SHISA9: variants seen among roughly 807,000 people sequenced by gnomAD.
SHISA9 encodes the protein shisa family member 9, also known as protein shisa-9.
In SHISA9, 13 loss-of-function variants were observed where a neutral mutation model predicts 38.0. That is an observed-to-expected ratio of 0.34 (90% confidence interval 0.22 to 0.54). The LOEUF (loss-of-function observed/expected upper bound fraction) is 0.54. SHISA9 is among the 20% of genes least tolerant of loss of function. SHISA9 has a pLI of 0.91. For missense variants in SHISA9, 538 were observed against 575.8 expected (o/e 0.93, Z 0.67); for synonymous variants, 275 against 242.0 (o/e 1.14, Z -1.27).
chr16:13,397,379 C>A, the SHISA9 span, among the ~76,000 whole-genome samples: 1 of 152,136 alleles, frequency 6.6e-6, no homozygotes, highest in African/African-American at 2.4e-5. Flanking sequence ...GTTTACAGCT[C>A]CTGAAGCCCA....
At chr16:12,903,430 A>C (rs1275794676) in intron 1 of SHISA9, among the ~76,000 whole-genome samples, 1 of 152,146 alleles carries the variant, frequency 6.6e-6, no homozygotes, top group Non-Finnish European at 1.5e-5. Flanking sequence ...TGCCTTGTTC[A>C]TTATGCAAGC....
At chr16:13,142,270 T>C (rs540398013) in intron 2 of SHISA9, among the ~76,000 whole-genome samples, 3 of 152,186 alleles carry the variant, frequency 2.0e-5, no homozygotes, top group Non-Finnish European at 4.4e-5. Context: ...GTAGGCACGA[T>C]TACTTATTAG....
rs542392415 is a variant in SHISA9, at chr16:13,129,825, T to A, written c.692-73569T>A. Among the ~76,000 whole-genome samples, 3 of 152,272 alleles carry A rather than the reference T, an allele frequency of 2.0e-5. No individual in the cohort carries two copies. In the South Asian group the frequency reaches 6.2e-4, roughly 32 times the overall value. ...CTCCTATTTACCATCTCTTACCCCA[T>A]GTCCAACCAGAGACTCAGATCTATT... On this transcript the variant is annotated intron_variant, in intron 2 of 4. Coordinates refer to ENST00000558583, the MANE Select transcript of SHISA9 (RefSeq NM_001145204.3).
chr16:13,420,292 C>CGTTTACT, the SHISA9 span, among the ~76,000 whole-genome samples: 3 of 134,038 alleles, frequency 2.2e-5, no homozygotes. Context: ...GCTCAGCAGG[C>CGTTTACT]GTTTACTGTA....
chr16:13,486,528 C>A, the SHISA9 span, among the ~76,000 whole-genome samples: 233 of 152,276 alleles, frequency 1.5e-3, no homozygotes, highest in African/African-American at 5.4e-3. Context: ...AGACTTCTCG[C>A]CAACACATTT....
At chr16:13,025,685 G>GACGT (rs1468138390) in intron 2 of SHISA9, among the ~76,000 whole-genome samples, 1 of 152,220 alleles carries the variant, frequency 6.6e-6, no homozygotes, top group Non-Finnish European at 1.5e-5. Context: ...CAATCTCATA[G>GACGT]ACGTAGGTCA....
the SHISA9 span, among the ~76,000 whole-genome samples, chr16:13,560,609 C>T: frequency 2.6e-5 from 4 of 152,088 alleles, no homozygotes; most frequent in Non-Finnish European, 5.9e-5. Flanking sequence ...CATATTATTG[C>T]TCCAGGTTCC....
chr16:13,554,041 T>C, the SHISA9 span, among the ~76,000 whole-genome samples: 2 of 152,148 alleles, frequency 1.3e-5, no homozygotes, highest in African/African-American at 4.8e-5. Context: ...TGGGAGAATA[T>C]GCTTCCTCTA....
chr16:13,528,927 T>G, the SHISA9 span, among the ~76,000 whole-genome samples: 1 of 152,204 alleles, frequency 6.6e-6, no homozygotes, highest in East Asian at 1.9e-4. Flanking sequence ...CACTTCTGAT[T>G]TGATGACCCT....
downstream of SHISA9, among the ~76,000 whole-genome samples, chr16:13,243,482 C>T (rs2051449953): frequency 1.3e-5 from 2 of 152,034 alleles, no homozygotes; most frequent in African/African-American, 2.4e-5. Context: ...TAAACATTTT[C>T]TGGTTGACAA....
chr16:12,942,978 A>C (rs1434960801), intron 2 of SHISA9, among the ~76,000 whole-genome samples: 1 of 152,112 alleles, frequency 6.6e-6, no homozygotes, highest in Non-Finnish European at 1.5e-5. Context: ...GTTTTCAGAC[A>C]GGCTCTTTCC....
At chr16:13,501,767 C>T in the SHISA9 span, among the ~76,000 whole-genome samples, 5 of 151,972 alleles carry the variant, frequency 3.3e-5, no homozygotes, top group African/African-American at 1.2e-4. Flanking sequence ...CTTTGGGAGG[C>T]GAGGAGGGTG....
chr16:13,247,661 C>G, the SHISA9 span, among the ~76,000 whole-genome samples: 4 of 152,180 alleles, frequency 2.6e-5, no homozygotes, highest in African/African-American at 9.7e-5. Context: ...ATTTTCTTGT[C>G]AGATTCCAAA....
chr16:13,026,421 G>C (rs1341747607), intron 2 of SHISA9, among the ~76,000 whole-genome samples: 1 of 152,178 alleles, frequency 6.6e-6, no homozygotes, highest in Non-Finnish European at 1.5e-5. Context: ...TTTCAAGGCT[G>C]AATACTATTC....
the SHISA9 span, among the ~76,000 whole-genome samples, chr16:13,358,391 C>T: frequency 2.6e-5 from 4 of 152,116 alleles, no homozygotes; most frequent in Admixed American, 6.5e-5. Flanking sequence ...TTGTCCCCCA[C>T]CCCCCAACAG....
At chr16:13,507,147 G>C in the SHISA9 span, among the ~76,000 whole-genome samples, 1 of 151,620 alleles carries the variant, frequency 6.6e-6, no homozygotes, top group Non-Finnish European at 1.5e-5. Context: ...AGTAACTTTG[G>C]CTTTTGTTCT....
the SHISA9 span, among the ~76,000 whole-genome samples, chr16:13,363,541 G>A: frequency 6.6e-6 from 1 of 152,182 alleles, no homozygotes; most frequent in African/African-American, 2.4e-5. Context: ...GTAGGGAAGT[G>A]TATTCTGGAC....
At chr16:13,216,203 AAAAG>A (rs59844097) in intron 4 of SHISA9, among the ~76,000 whole-genome samples, 38,904 of 119,790 alleles carry the variant, frequency 0.32, 5,725 homozygotes, top group East Asian at 0.6. Context: ...AAAAAAAAAA[AAAAG>A]AGAGAGACAA....
chr16:13,192,937 G>T (rs1291712329), intron 2 of SHISA9, among the ~76,000 whole-genome samples: 1 of 151,658 alleles, frequency 6.6e-6, no homozygotes, highest in Admixed American at 6.6e-5. Flanking sequence ...AGAGGAGGAA[G>T]AGGAAGAAGA....
Sources: gnomAD v4.1 joint callset for allele counts (sites outside exome capture counted in the v4.1 genomes callset) on GRCh38, gnomAD v4.1.1 for gene constraint, MANE v1.5 for transcripts, NCBI Gene and HGNC (gene_info 2026-07-23, HGNC 2026-07-21) for gene names.